Variants in SLC24A2 observed in about 807,000 individuals in gnomAD.
The protein encoded by SLC24A2 is solute carrier family 24 member 2, also known as sodium/potassium/calcium exchanger 2.
SLC24A2 carries 36 observed loss-of-function variants against 62.0 expected under a neutral mutation model. That is an observed-to-expected ratio of 0.58 (90% CI 0.44 to 0.77). The LOEUF is 0.77. Ranked by LOEUF, SLC24A2 falls within the 30% of genes least tolerant of loss-of-function variation. The pLI is 0.00. For missense variants in SLC24A2, 846 were observed against 817.9 expected (o/e 1.03, Z -0.42); for synonymous variants, 358 against 294.0 (o/e 1.22, Z -2.23).
chr9:19,773,987 G>C (rs1191511454), intron 2 of SLC24A2, among the ~76,000 whole-genome samples: 1 of 152,196 alleles, frequency 6.6e-6, no homozygotes, highest in East Asian at 1.9e-4. Flanking sequence ...GTTAGTTAGG[G>C]ATTGGTTGGG....
At chr9:20,139,262 C>A in the SLC24A2 span, among the ~76,000 whole-genome samples, 1 of 152,174 alleles carries the variant, frequency 6.6e-6, no homozygotes, top group Non-Finnish European at 1.5e-5. Flanking sequence ...GGCCGACTGC[C>A]TGTATTAAAA....
chr9:20,001,054 C>A, the SLC24A2 span, among the ~76,000 whole-genome samples: 1 of 152,196 alleles, frequency 6.6e-6, no homozygotes, highest in Non-Finnish European at 1.5e-5. Context: ...AATGGGCCCA[C>A]CCTCACTTTA....
chr9:19,964,599 C>T, the SLC24A2 span, among the ~76,000 whole-genome samples: 4 of 152,162 alleles, frequency 2.6e-5, no homozygotes, highest in African/African-American at 9.7e-5. Flanking sequence ...ATGGCTTTGC[C>T]ATATGTCCAC....
chr9:19,604,030 A>T (rs1261764692), intron 4 of SLC24A2, among the ~76,000 whole-genome samples: 5 of 152,216 alleles, frequency 3.3e-5, no homozygotes, highest in Non-Finnish European at 5.9e-5. Context: ...GCAAAGAGTC[A>T]TTGTACGCAT....
At chr9:19,552,663 C>T (rs1278971131) in intron 7 of SLC24A2, among the ~76,000 whole-genome samples, 2 of 152,152 alleles carry the variant, frequency 1.3e-5, no homozygotes, top group South Asian at 2.1e-4. Flanking sequence ...ACTTTTCTCT[C>T]GACTTCAAGC....
At chr9:19,831,738 C>A in the SLC24A2 span, among the ~76,000 whole-genome samples, 385 of 152,286 alleles carry the variant, frequency 2.5e-3, 4 homozygotes, top group African/African-American at 8.4e-3. Context: ...AAATCTCAAG[C>A]CTTCACCATG....
chr9:19,871,642 A>G, the SLC24A2 span, among the ~76,000 whole-genome samples: 1 of 152,212 alleles, frequency 6.6e-6, no homozygotes, highest in South Asian at 2.1e-4. Context: ...AACAATATAC[A>G]AGATTAGTTG....
chr9:19,584,596 C>T (rs1295984359), intron 5 of SLC24A2, among the ~76,000 whole-genome samples: 1 of 152,088 alleles, frequency 6.6e-6, no homozygotes, highest in African/African-American at 2.4e-5. Flanking sequence ...CTAATAGAGG[C>T]AGGCTTAATT....
the SLC24A2 span, among the ~76,000 whole-genome samples, chr9:20,242,243 TAGA>T: frequency 1.3e-5 from 2 of 152,186 alleles, no homozygotes; most frequent in Non-Finnish European, 2.9e-5. Flanking sequence ...ACCATTTAGG[TAGA>T]AGAAGACTTG....
chr9:20,131,529 T>C, the SLC24A2 span, among the ~76,000 whole-genome samples: 1 of 152,186 alleles, frequency 6.6e-6, no homozygotes, highest in Admixed American at 6.5e-5. Context: ...AAGGAAAATA[T>C]AGCTTTGTTG....
the SLC24A2 span, among the ~76,000 whole-genome samples, chr9:20,175,309 CA>C: frequency 6.6e-6 from 1 of 151,820 alleles, no homozygotes; most frequent in Admixed American, 6.6e-5. Flanking sequence ...ATGTGTGCAC[CA>C]AAATCTCACC....
At chr9:20,060,566 G>C in the SLC24A2 span, among the ~76,000 whole-genome samples, 2 of 151,940 alleles carry the variant, frequency 1.3e-5, no homozygotes, top group Admixed American at 6.6e-5. Context: ...ATCTAGTAGA[G>C]GCAGAAAAAA....
chr9:19,974,323 C>A, the SLC24A2 span, among the ~76,000 whole-genome samples: 2 of 152,122 alleles, frequency 1.3e-5, no homozygotes, highest in Non-Finnish European at 2.9e-5. Context: ...AGTGAAATTT[C>A]TCCAAATGAA....
the SLC24A2 span, among the ~76,000 whole-genome samples, chr9:19,997,386 G>A: frequency 5.4e-3 from 829 of 152,252 alleles, 12 homozygotes; most frequent in African/African-American, 0.019. Flanking sequence ...ATACAACTTT[G>A]ATTTTGACTT....
At chr9:20,269,897 G>GAGT in the SLC24A2 span, among the ~76,000 whole-genome samples, 1 of 152,150 alleles carries the variant, frequency 6.6e-6, no homozygotes, top group African/African-American at 2.4e-5. Context: ...ACCTGAGCCT[G>GAGT]AGTAATTTGT....
chr9:20,083,893 C>T, the SLC24A2 span, among the ~76,000 whole-genome samples: 1 of 152,190 alleles, frequency 6.6e-6, no homozygotes, highest in East Asian at 1.9e-4. Context: ...TCCCAGACCC[C>T]GTTTCCTCTA....
the SLC24A2 span, among the ~76,000 whole-genome samples, chr9:19,823,717 A>G: frequency 6.6e-6 from 1 of 152,156 alleles, no homozygotes; most frequent in African/African-American, 2.4e-5. Flanking sequence ...TAGCCAACAC[A>G]GTCCTAAGCA....
chr9:19,559,536 GT>G (rs1373706348), intron 7 of SLC24A2, among the ~76,000 whole-genome samples: 1 of 152,138 alleles, frequency 6.6e-6, no homozygotes, highest in Non-Finnish European at 1.5e-5. Context: ...TTAATTCTGT[GT>G]TTTGTGCAGA....
chr9:20,231,331 G>C, the SLC24A2 span, among the ~76,000 whole-genome samples: 5 of 152,148 alleles, frequency 3.3e-5, no homozygotes, highest in African/African-American at 1.2e-4. Context: ...GGGCAGTATG[G>C]CCATTTTCAT....
Sources: gnomAD v4.1 joint callset for allele counts (sites outside exome capture counted in the v4.1 genomes callset) on GRCh38, gnomAD v4.1.1 for gene constraint, MANE v1.5 for transcripts, NCBI Gene and HGNC (gene_info 2026-07-23, HGNC 2026-07-21) for gene names.